The following BMP2K variants were observed in gnomAD, a reference collection of about 807,000 sequenced individuals.
The protein encoded by BMP2K is BMP2 inducible kinase, also known as BMP-2-inducible protein kinase.
Under a neutral mutation model 116.0 loss-of-function variants are expected in BMP2K, and 74 were observed. The observed-to-expected ratio is 0.64, with a 90% CI of 0.53 to 0.77. BMP2K has a LOEUF of 0.77. Among genes scored for constraint, BMP2K ranks in the 30% least tolerant of loss-of-function variants. BMP2K has a pLI of 0.00. For synonymous variants in BMP2K, 486 were observed against 502.5 expected (o/e 0.97, Z 0.44); for missense variants, 1,365 against 1,403.6 (o/e 0.97, Z 0.44).
intron 7 of BMP2K, among the ~76,000 whole-genome samples, chr4:78,855,282 T>C (rs966113377): frequency 2.6e-5 from 4 of 152,050 alleles, no homozygotes; most frequent in African/African-American, 9.7e-5. Context: ...GGTTGGAAAA[T>C]TGGAGTGGAT....
At chr4:78,873,617 G>A (rs969026868) in intron 13 of BMP2K, among the ~76,000 whole-genome samples, 1 of 152,020 alleles carries the variant, frequency 6.6e-6, no homozygotes, top group Non-Finnish European at 1.5e-5. Context: ...TCTCAAAAGA[G>A]AGCTAAAGTA....
chr4:78,847,691 A>C (rs989374695), intron 6 of BMP2K, among the ~76,000 whole-genome samples: 9 of 151,844 alleles, frequency 5.9e-5, no homozygotes, highest in Middle Eastern at 3.4e-3. Flanking sequence ...TTCTAATTAC[A>C]GTATAAACAT....
Position 78,879,096 on chromosome 4 carries a change from C to A in BMP2K, c.1951+205C>A, listed in dbSNP as rs1469292285. 3.0e-6 allele frequency: 4 copies of A among 1,314,994 alleles called. No individual in the cohort carries two copies. In the African/African-American group the frequency reaches 6.2e-5, roughly 20 times the overall value. The allele number at this position is 1,314,994 out of a possible 1,614,324, so 81.5% of individuals were successfully genotyped here. On this transcript the variant is annotated intron_variant, in intron 14 of 15. Transcript: ENST00000502613. Reference sequence around the variant, plus strand: ...AGTTGCTTGATAGTAGCTATTAAACCCAATATTGCTGATAGTATGCTAATA... The same window carrying A: ...AGTTGCTTGATAGTAGCTATTAAACACAATATTGCTGATAGTATGCTAATA...
At chr4:78,834,590 G>A (rs1730374097) in intron 3 of BMP2K, among the ~76,000 whole-genome samples, 1 of 152,094 alleles carries the variant, frequency 6.6e-6, no homozygotes, top group Non-Finnish European at 1.5e-5. Flanking sequence ...GAAAGGTGGA[G>A]GCAAATATTC....
At chr4:78,909,511 T>C (rs1448966170) in intron 15 of BMP2K, among the ~76,000 whole-genome samples, 3 of 152,196 alleles carry the variant, frequency 2.0e-5, no homozygotes, top group Non-Finnish European at 2.9e-5. Flanking sequence ...CCAGTCTTCC[T>C]TACCTCATGT....
chr4:78,792,444 A>T (rs987755085), intron 1 of BMP2K, among the ~76,000 whole-genome samples: 1 of 152,236 alleles, frequency 6.6e-6, no homozygotes, highest in East Asian at 1.9e-4. Context: ...GTGACAAACT[A>T]TGATTATTCA....
intron 1 of BMP2K, among the ~76,000 whole-genome samples, chr4:78,809,312 A>G (rs1728968891): frequency 6.7e-6 from 1 of 150,368 alleles, no homozygotes; most frequent in Non-Finnish European, 1.5e-5. Flanking sequence ...TGGTGTTACC[A>G]TCCTTTTAGT....
chr4:78,791,750 G>A (rs889244426), intron 1 of BMP2K, among the ~76,000 whole-genome samples: 6 of 152,042 alleles, frequency 3.9e-5, no homozygotes, highest in Non-Finnish European at 8.8e-5. Flanking sequence ...ATGCCTTTAA[G>A]GTATTCATCC....
intron 13 of BMP2K, among the ~76,000 whole-genome samples, chr4:78,878,427 C>G (rs2110066577): frequency 6.6e-6 from 1 of 152,106 alleles, no homozygotes; most frequent in South Asian, 2.1e-4. Flanking sequence ...TCTCAGCAAC[C>G]CTATGAGGTG....
chr4:78,894,096 G>A (rs192600893), intron 15 of BMP2K, among the ~76,000 whole-genome samples: 1 of 152,322 alleles, frequency 6.6e-6, no homozygotes, highest in Non-Finnish European at 1.5e-5. Context: ...CAGATGTGAT[G>A]TCATCCAGGC....
At chr4:78,828,035 CCTT>C (rs778925408) in intron 2 of BMP2K, among the ~76,000 whole-genome samples, 4 of 152,196 alleles carry the variant, frequency 2.6e-5, no homozygotes, top group Non-Finnish European at 5.9e-5. Flanking sequence ...AAGAGTATCT[CCTT>C]CTTGCCTTCC....
At chr4:78,791,251 A>G (rs1482426845) in intron 1 of BMP2K, among the ~76,000 whole-genome samples, 1 of 152,146 alleles carries the variant, frequency 6.6e-6, no homozygotes, top group Non-Finnish European at 1.5e-5. Flanking sequence ...TGTGGACCCC[A>G]AGGGAAAGGG....
intron 15 of BMP2K, among the ~76,000 whole-genome samples, chr4:78,894,216 T>C (rs1268945278): frequency 6.6e-6 from 1 of 152,206 alleles, no homozygotes; most frequent in African/African-American, 2.4e-5. Context: ...AAGTCACCAA[T>C]TGCATTAGCT....
At chr4:78,864,267 A>G (rs897310603) in intron 9 of BMP2K, among the ~76,000 whole-genome samples, 2 of 152,114 alleles carry the variant, frequency 1.3e-5, no homozygotes, top group Non-Finnish European at 2.9e-5. Context: ...GATTGTGTAC[A>G]ATATTTCCCC....
At chr4:78,863,265 T>C (rs1261691801) in intron 9 of BMP2K, among the ~76,000 whole-genome samples, 1 of 152,106 alleles carries the variant, frequency 6.6e-6, no homozygotes, top group Non-Finnish European at 1.5e-5. Flanking sequence ...AAAATCTAAA[T>C]GTATACAAAG....
chr4:78,850,140 C>A (rs765725885), intron 6 of BMP2K, among the ~76,000 whole-genome samples: 4 of 151,536 alleles, frequency 2.6e-5, no homozygotes, highest in Non-Finnish European at 4.4e-5. Flanking sequence ...ATTTCTTGAG[C>A]CAAAAAATCA....
intron 4 of BMP2K, among the ~76,000 whole-genome samples, chr4:78,844,235 A>G (rs1004770086): frequency 1.3e-5 from 2 of 151,690 alleles, no homozygotes; most frequent in Non-Finnish European, 3.0e-5. Context: ...CATTTTACGT[A>G]AGGAAACTAA....
At chr4:78,787,345 T>C (rs1236759174) in intron 1 of BMP2K, among the ~76,000 whole-genome samples, 2 of 152,224 alleles carry the variant, frequency 1.3e-5, no homozygotes, top group East Asian at 1.9e-4. Flanking sequence ...AGATTTATTT[T>C]TGGACTCCTA....
In BMP2K at chr4:78,911,463, G is replaced by C. The variant is rs1244376027; in HGVS notation, c.2916G>C (p.Gln972His). Residue 972 changes from glutamine (Q) to histidine (H), a missense_variant, in exon 16 of 16, where the codon CAG (glutamine) becomes CAC (histidine). Coordinates refer to ENST00000502613, the MANE Select transcript of BMP2K (RefSeq NM_198892.2). ...GGAGCCAGCAGCAAAAAGTCAAACA[G>C]CGCAGCTTACAGAAACTGTCCTCTC... Reference protein sequence around the residue: ...ITGSQQQKVKQRSLQKLSSRQ... With the variant: ...ITGSQQQKVKHRSLQKLSSRQ... The C allele has an allele frequency of 6.2e-7, 1 of 1,614,042 alleles. No homozygotes were observed. The highest frequency in any genetic ancestry group is 1.1e-5 in the South Asian group (1 of 91,088).
Sources: allele counts gnomAD v4.1 joint callset (sites outside exome capture counted in the v4.1 genomes callset), GRCh38; gene constraint gnomAD v4.1.1; transcripts MANE v1.5; gene names NCBI Gene and HGNC (gene_info 2026-07-23, HGNC 2026-07-21).